COL4A6: variants seen among roughly 807,000 people sequenced by gnomAD.
The protein encoded by COL4A6 is collagen type IV alpha 6 chain.
Under a neutral mutation model 126.7 loss-of-function variants are expected in COL4A6, and 59 were observed. That is an observed-to-expected ratio of 0.47 (90% confidence interval 0.38 to 0.58). The LOEUF is 0.58. COL4A6 is among the 20% of genes least tolerant of loss of function. The pLI is 0.00. For synonymous variants in COL4A6, 547 were observed against 496.6 expected, an observed-to-expected ratio of 1.10 and a Z score of -1.35; for missense variants, 1,285 against 1,337.3, an observed-to-expected ratio of 0.96 and a Z score of 0.61.
At chrX:108,326,582 G>A (rs1383862706) in intron 2 of COL4A6, among the ~76,000 whole-genome samples, 2 of 112,125 alleles carry the variant, frequency 1.8e-5, no homozygotes, top group African/African-American at 3.2e-5. Flanking sequence ...TCAAGAGAGT[G>A]TAAAGACAGA....
chrX:108,343,147 A>AG (rs1386711032), intron 2 of COL4A6, among the ~76,000 whole-genome samples: 1 of 74,367 alleles, frequency 1.3e-5, no homozygotes, highest in African/African-American at 4.8e-5. Flanking sequence ...ATATATATAT[A>AG]TATATATATA....
chrX:108,187,012 T>C, intron 23 of COL4A6, 84 bp downstream of exon 23: 1 of 802,700 alleles, frequency 1.2e-6, no homozygotes, highest in Non-Finnish European at 1.7e-6. Context: ...TCTCTTCTTA[T>C]GATACATTTC....
At chrX:108,289,800 T>C (rs377121091) in intron 3 of COL4A6, among the ~76,000 whole-genome samples, 1 of 111,969 alleles carries the variant, frequency 8.9e-6, no homozygotes, top group Non-Finnish European at 1.9e-5. Context: ...ATTGAATTTA[T>C]ATAAACTAAG....
chrX:108,293,612 C>A (rs2038235254), intron 3 of COL4A6, among the ~76,000 whole-genome samples: 3 of 111,579 alleles, frequency 2.7e-5, no homozygotes, highest in Admixed American at 9.5e-5. Context: ...TTCTACCCAA[C>A]CATACAGGTC....
chrX:108,385,122 A>T (rs111877813), intron 2 of COL4A6, among the ~76,000 whole-genome samples: 132 of 110,426 alleles, frequency 1.2e-3, no homozygotes, highest in African/African-American at 3.9e-3. Context: ...TGAATGGGAA[A>T]TATAGTATGT....
At chrX:108,382,755 T>A (rs1437097289) in intron 2 of COL4A6, among the ~76,000 whole-genome samples, 3 of 109,212 alleles carry the variant, frequency 2.7e-5, no homozygotes. Flanking sequence ...AAGACCAGCC[T>A]GGCCAACATG....
At chrX:108,429,170 A>C (rs1603235020) in intron 2 of COL4A6, among the ~76,000 whole-genome samples, 1 of 112,396 alleles carries the variant, frequency 8.9e-6, no homozygotes, top group Non-Finnish European at 1.9e-5. Flanking sequence ...TGCTGATTAC[A>C]TTTACATGAA....
chrX:108,407,565 C>T (rs1268503848), intron 2 of COL4A6, among the ~76,000 whole-genome samples: 3 of 112,096 alleles, frequency 2.7e-5, no homozygotes, highest in Admixed American at 9.4e-5. Context: ...AATAAAATAG[C>T]CCCTGCTCTC....
At chrX:108,372,966 A>C in intron 2 of COL4A6, among the ~76,000 whole-genome samples, 1 of 112,537 alleles carries the variant, frequency 8.9e-6, no homozygotes. Flanking sequence ...AGACAGGTCT[A>C]TTCAACCCCA....
At chrX:108,231,748 T>C (rs1456824728) in intron 3 of COL4A6, among the ~76,000 whole-genome samples, 1 of 111,907 alleles carries the variant, frequency 8.9e-6, no homozygotes, top group Admixed American at 9.5e-5. Context: ...GCGGAGAAAA[T>C]ATTGTTATTT....
chrX:108,191,274 T>G, intron 19 of COL4A6, 119 bp downstream of exon 19: 1 of 899,043 alleles, frequency 1.1e-6, no homozygotes, highest in Non-Finnish European at 1.5e-6. Context: ...CCCTCTGCAA[T>G]TATCATGTAT....
At chrX:108,285,998 T>G (rs1314219609) in intron 3 of COL4A6, among the ~76,000 whole-genome samples, 2 of 111,953 alleles carry the variant, frequency 1.8e-5, no homozygotes, top group Non-Finnish European at 3.8e-5. Context: ...CTCCTGTGAA[T>G]GTTTGTTTCA....
At chrX:108,400,079 T>A (rs1162522859) in intron 2 of COL4A6, among the ~76,000 whole-genome samples, 2 of 111,648 alleles carry the variant, frequency 1.8e-5, no homozygotes, top group Non-Finnish European at 3.8e-5. Context: ...GAGCCTCCTT[T>A]ATTATGAGGT....
intron 3 of COL4A6, among the ~76,000 whole-genome samples, chrX:108,242,844 C>T (rs779833131): frequency 1.3e-4 from 14 of 111,272 alleles, no homozygotes; most frequent in Non-Finnish European, 2.1e-4. Flanking sequence ...TATTCTGTAC[C>T]ATTAAGCAAC....
intron 2 of COL4A6, among the ~76,000 whole-genome samples, chrX:108,371,207 T>C (rs2040315355): frequency 9.1e-6 from 1 of 110,041 alleles, no homozygotes; most frequent in Non-Finnish European, 1.9e-5. Context: ...ATCTATTGTG[T>C]TTTTTTTAAT....
chrX:108,209,422 G>A (rs1313542430), intron 8 of COL4A6, among the ~76,000 whole-genome samples: 2 of 111,700 alleles, frequency 1.8e-5, no homozygotes, highest in Non-Finnish European at 3.8e-5. Flanking sequence ...GAAAGAAAGA[G>A]TGAATACAGG....
At chrX:108,202,785 T>A in intron 13 of COL4A6, 143 bp downstream of exon 13, 2 of 519,761 alleles carry the variant, frequency 3.8e-6, no homozygotes. Context: ...AACAAGAACA[T>A]CTCCTTAAAT....
At chrX:108,194,691 A>G (rs774289552) in intron 15 of COL4A6, 104 bp from the exon 16 acceptor site, 2 of 785,277 alleles carry the variant, frequency 2.5e-6, no homozygotes, top group Non-Finnish European at 3.8e-6. Flanking sequence ...CTTGGATGAC[A>G]TTGCAGGGTA....
intron 3 of COL4A6, among the ~76,000 whole-genome samples, chrX:108,253,992 T>C (rs1409629350): frequency 8.9e-6 from 1 of 111,859 alleles, no homozygotes; most frequent in African/African-American, 3.2e-5. Flanking sequence ...AAAACTTTTA[T>C]TGATGAAAAT....
Sources: gnomAD v4.1 joint callset for allele counts (sites outside exome capture counted in the v4.1 genomes callset) on GRCh38, gnomAD v4.1.1 for gene constraint, MANE v1.5 for transcripts, NCBI Gene and HGNC (gene_info 2026-07-23, HGNC 2026-07-21) for gene names.